The following ARPC2 variants were observed in gnomAD, a reference collection of about 807,000 sequenced individuals.
ARPC2 encodes actin-related protein 2/3 complex subunit 2.
In ARPC2, 4 loss-of-function variants were observed where a neutral mutation model predicts 38.6. That is an observed-to-expected ratio of 0.10 (90% confidence interval 0.05 to 0.24). The LOEUF (loss-of-function observed/expected upper bound fraction) is 0.24. Ranked by LOEUF, ARPC2 falls within the 10% of genes least tolerant of loss-of-function variation. The pLI, the probability that ARPC2 is intolerant of heterozygous loss-of-function variation, is 1.00. For synonymous variants in ARPC2, 125 were observed against 140.8 expected (o/e 0.89, Z 0.79); for missense variants, 229 against 387.3 (o/e 0.59, Z 3.43).
intron 8 of ARPC2, 61 bp downstream of exon 8, chr2:218,245,607 T>C (rs1461223794): frequency 3.1e-6 from 5 of 1,596,226 alleles, no homozygotes; most frequent in Non-Finnish European, 4.3e-6. Context: ...GCAGAATACC[T>C]AAATCTGCAC....
intron 8 of ARPC2, among the ~76,000 whole-genome samples, chr2:218,247,532 C>T (rs1004107590): frequency 1.3e-5 from 2 of 151,670 alleles, no homozygotes; most frequent in Non-Finnish European, 1.5e-5. Flanking sequence ...GGTGTGATCT[C>T]GGCTCACTGC....
At chr2:218,228,711 A>G in intron 3 of ARPC2, 27 bp from the exon 4 acceptor site, 1 of 1,403,972 alleles carries the variant, frequency 7.1e-7, no homozygotes, top group Non-Finnish European at 1.0e-6. Context: ...CCAAATTGTT[A>G]CGCAATCTTA....
chr2:218,226,358 G>A (rs1355385623), intron 3 of ARPC2, among the ~76,000 whole-genome samples: 4 of 148,306 alleles, frequency 2.7e-5, no homozygotes, highest in East Asian at 2.0e-4. Flanking sequence ...GATTGGGTGC[G>A]GTAGCTCATG....
chr2:218,244,658 A>G (rs1480060150), intron 7 of ARPC2, among the ~76,000 whole-genome samples: 1 of 152,244 alleles, frequency 6.6e-6, no homozygotes, highest in Non-Finnish European at 1.5e-5. Flanking sequence ...TGGAGATGGT[A>G]TTAGGAGGCA....
chr2:218,219,876 C>T (rs988094497), intron 2 of ARPC2, among the ~76,000 whole-genome samples: 2 of 152,072 alleles, frequency 1.3e-5, no homozygotes, highest in Non-Finnish European at 2.9e-5. Context: ...GCCTGGTAGG[C>T]AGGGCTCTCC....
Position 218,249,896 on chromosome 2 carries a change from G to A in ARPC2, c.853G>A (p.Glu285Lys), listed in dbSNP as rs757612121. 25 of 1,612,840 alleles carry A rather than the reference G, an allele frequency of 1.6e-5. No individual in the cohort carries two copies. Among genetic ancestry groups the A allele is most frequent in the Non-Finnish European group, 2.0e-5 (23 of 1,179,484 alleles). ...GCTGAACCGCGCACGCCCAGATGCCGAGAAAAAAGAAATGAAAACAATCAC... is the reference window on the plus strand; with the variant it reads ...GCTGAACCGCGCACGCCCAGATGCCAAGAAAAAAGAAATGAAAACAATCAC... ...KVLNRARPDAEKKEMKTITGK... is the reference protein window; with the variant it reads ...KVLNRARPDAKKKEMKTITGK... The change falls in exon 10 of 11, where the codon GAG becomes AAG. Residue 285 changes from glutamate to lysine, a missense_variant. Transcript: ENST00000315717.
intron 6 of ARPC2, chr2:218,239,190 A>C (rs1689850227): frequency 1.7e-6 from 1 of 587,206 alleles, no homozygotes; most frequent in Admixed American, 3.1e-5. Flanking sequence ...TACTTCTGAT[A>C]ATTTCCATCT....
Position 218,217,417 on chromosome 2 carries a change from C to A in ARPC2, c.-8-46C>A, listed in dbSNP as rs376162906. ...GGCCGCTCCCTCCGTCCTTGCCTCC[C>A]TTACCCACCCTCACCGGCCCTTGTT... is the stretch of plus-strand genomic sequence containing the variant. On this transcript the variant is annotated intron_variant, in intron 1 of 10. Transcript: ENST00000315717. 67 of 1,595,722 alleles carry A rather than the reference C, an allele frequency of 4.2e-5. No individual in the cohort carries two copies. In the African/African-American group the frequency reaches 8.5e-4, roughly 20 times the overall value.
In ARPC2 at chr2:218,239,442, T is replaced by G. The variant is rs764236963; in HGVS notation, c.507T>G (p.Phe169Leu). 3.1e-6 allele frequency: 5 copies of G among 1,614,044 alleles called. No homozygotes were observed. In the Admixed American group the frequency reaches 6.7e-5, roughly 22 times the overall value. ...TCACAGTAGTCTTCAGCACAGTGTT[T>G]AAGGATGACGACGATGTGGTCATTG... is the stretch of plus-strand genomic sequence containing the variant. ...DRVTVVFSTV[F>L]KDDDDVVIGK... Residue 169 changes from phenylalanine (F) to leucine (L), a missense_variant, in exon 7 of 11, where the codon TTT becomes TTG. By Grantham distance (22) the Phe-to-Leu change is conservative. Coordinates refer to ENST00000315717, the MANE Select transcript of ARPC2 (RefSeq NM_152862.3).
chr2:218,220,221 A>G (rs1371556080), intron 2 of ARPC2, among the ~76,000 whole-genome samples: 2 of 152,200 alleles, frequency 1.3e-5, no homozygotes, highest in African/African-American at 4.8e-5. Flanking sequence ...GGAACCTGCT[A>G]GGAGAGGTCA....
Position 218,239,384 on chromosome 2 carries a change from C to T in ARPC2, c.456-7C>T, listed in dbSNP as rs1292115981. 6.2e-7 allele frequency: 1 copy of T among 1,606,980 alleles called. No homozygotes were observed. The highest frequency in any genetic ancestry group is 1.7e-5 in the Admixed American group (1 of 59,940). ...GTACTTATCCTCATGGATTTTGTTCCTCTCAGGTATGTTGAGTCTAAAAAG... is the reference window on the plus strand; with the variant it reads ...GTACTTATCCTCATGGATTTTGTTCTTCTCAGGTATGTTGAGTCTAAAAAG... On this transcript the variant is annotated splice_polypyrimidine_tract_variant and splice_region_variant and intron_variant, in intron 6 of 10. Transcript: ENST00000315717.
chr2:218,253,512 G>T (rs1690244001), intron 10 of ARPC2, among the ~76,000 whole-genome samples: 2 of 152,238 alleles, frequency 1.3e-5, no homozygotes, highest in Admixed American at 1.3e-4. Context: ...GGTATACACT[G>T]TGTAGGAGGA....
At chr2:218,222,142 C>G (rs1178847490) in intron 2 of ARPC2, among the ~76,000 whole-genome samples, 1 of 152,144 alleles carries the variant, frequency 6.6e-6, no homozygotes, top group East Asian at 1.9e-4. Flanking sequence ...TGGCGCACAC[C>G]TGTAATCCCA....
intron 8 of ARPC2, among the ~76,000 whole-genome samples, chr2:218,248,599 T>A (rs777848720): frequency 1.3e-5 from 2 of 152,220 alleles, no homozygotes; most frequent in Non-Finnish European, 2.9e-5. Context: ...TAGCTGAGAT[T>A]ACAGGCACAC....
At chr2:218,229,431 G>A (rs1294441655) in intron 4 of ARPC2, 1 of 152,242 alleles carries the variant, frequency 6.6e-6, no homozygotes, top group African/African-American at 2.4e-5. Context: ...TATTTGCTCT[G>A]AGGAGAGCCA....
At chr2:218,247,547 T>C (rs1466238577) in intron 8 of ARPC2, among the ~76,000 whole-genome samples, 1 of 151,852 alleles carries the variant, frequency 6.6e-6, no homozygotes, top group Admixed American at 6.6e-5. Flanking sequence ...CACTGCAACC[T>C]CTGCTTCCCA....
intron 7 of ARPC2, chr2:218,239,698 A>G (rs957835539): frequency 7.9e-5 from 39 of 493,768 alleles, no homozygotes; most frequent in Admixed American, 3.9e-4. Flanking sequence ...GGTTCAAGCA[A>G]TTCTCCTGCC....
At chr2:218,235,827 C>T (rs560294995) in intron 5 of ARPC2, 2 of 152,454 alleles carry the variant, frequency 1.3e-5, no homozygotes, top group South Asian at 4.1e-4. Flanking sequence ...GTGGCTCACA[C>T]CTGTAATCCC....
intron 4 of ARPC2, among the ~76,000 whole-genome samples, chr2:218,232,546 A>ATTTTTTTT (rs71064418): frequency 1.2e-5 from 1 of 83,148 alleles, no homozygotes; most frequent in Non-Finnish European, 2.3e-5. Context: ...GCCAGACTCA[A>ATTTTTTTT]TTTTTTTTTT....
Sources: gnomAD v4.1 joint callset for allele counts (sites outside exome capture counted in the v4.1 genomes callset) on GRCh38, gnomAD v4.1.1 for gene constraint, MANE v1.5 for transcripts, NCBI Gene and HGNC (gene_info 2026-07-23, HGNC 2026-07-21) for gene names.